The following LPP variants were observed in gnomAD, a reference collection of about 807,000 sequenced individuals.
LPP encodes lipoma-preferred partner.
In LPP, 38 loss-of-function variants were observed where a neutral mutation model predicts 60.4. That is an observed-to-expected ratio of 0.63 (90% CI 0.49 to 0.83). The LOEUF (loss-of-function observed/expected upper bound fraction) is 0.83. Ranked by LOEUF, LPP falls within the 40% of genes least tolerant of loss-of-function variation. The pLI is 0.00. For missense variants in LPP, 902 were observed against 783.6 expected (o/e 1.15, Z -1.80); for synonymous variants, 328 against 290.8 (o/e 1.13, Z -1.30).
chr3:188,791,904 G>T (rs924462101), intron 9 of LPP, among the ~76,000 whole-genome samples: 1 of 152,220 alleles, frequency 6.6e-6, no homozygotes, highest in East Asian at 1.9e-4. Context: ...CTGTCCCCCT[G>T]TTGTGTTGAG....
chr3:188,257,572 G>A (rs1732077988), intron 2 of LPP, among the ~76,000 whole-genome samples: 1 of 152,200 alleles, frequency 6.6e-6, no homozygotes, highest in African/African-American at 2.4e-5. Context: ...CTTCTTCCTG[G>A]TTTATGAGAT....
chr3:188,391,833 T>A (rs1248476707), intron 3 of LPP, among the ~76,000 whole-genome samples: 2 of 151,962 alleles, frequency 1.3e-5, no homozygotes. Context: ...GCCACCAAGC[T>A]GAAGACTCAA....
At chr3:188,519,901 G>A (rs1297760486) in intron 5 of LPP, among the ~76,000 whole-genome samples, 1 of 152,148 alleles carries the variant, frequency 6.6e-6, no homozygotes, top group Non-Finnish European at 1.5e-5. Context: ...CCAATTGCTG[G>A]TACTCCTCGT....
chr3:188,507,084 A>T (rs1022985871), intron 5 of LPP, among the ~76,000 whole-genome samples: 4 of 152,158 alleles, frequency 2.6e-5, no homozygotes, highest in African/African-American at 9.7e-5. Context: ...GGCATGAGCC[A>T]CCACGCCCGG....
At chr3:188,717,031 A>G (rs929248301) in intron 8 of LPP, among the ~76,000 whole-genome samples, 1 of 152,192 alleles carries the variant, frequency 6.6e-6, no homozygotes, top group Non-Finnish European at 1.5e-5. Context: ...TACAAAATAG[A>G]CAGTGTGTTT....
chr3:188,680,138 C>G (rs1859153725), intron 7 of LPP, among the ~76,000 whole-genome samples: 1 of 152,190 alleles, frequency 6.6e-6, no homozygotes, highest in Admixed American at 6.5e-5. Context: ...GCTACTCCCC[C>G]TTCTTTTCTT....
chr3:188,487,267 A>G (rs1049323409), intron 5 of LPP, among the ~76,000 whole-genome samples: 2 of 152,250 alleles, frequency 1.3e-5, no homozygotes, highest in East Asian at 1.9e-4. Context: ...TGAAAGGGCT[A>G]TACAAATATT....
At chr3:188,731,601 C>T (rs1302793318) in intron 8 of LPP, among the ~76,000 whole-genome samples, 2 of 149,554 alleles carry the variant, frequency 1.3e-5, no homozygotes, top group Non-Finnish European at 3.0e-5. Flanking sequence ...CGGCTCACTG[C>T]AACCTCCGCC....
intron 1 of LPP, among the ~76,000 whole-genome samples, chr3:188,204,509 A>T (rs535953621): frequency 8.5e-5 from 13 of 152,282 alleles, no homozygotes; most frequent in South Asian, 2.1e-4. Context: ...CAGTGCTTCA[A>T]CTTTTTACTT....
At chr3:188,513,083 T>C (rs1816296645) in intron 5 of LPP, among the ~76,000 whole-genome samples, 1 of 152,242 alleles carries the variant, frequency 6.6e-6, no homozygotes, top group Non-Finnish European at 1.5e-5. Flanking sequence ...TATTATTTCA[T>C]GTTATTTTGT....
intron 8 of LPP, among the ~76,000 whole-genome samples, chr3:188,749,016 T>G (rs1263646363): frequency 1.3e-5 from 2 of 152,108 alleles, no homozygotes; most frequent in Non-Finnish European, 2.9e-5. Flanking sequence ...GATGTACAAA[T>G]CCAAAACACC....
At chr3:188,448,157 A>G (rs914263457) in intron 4 of LPP, among the ~76,000 whole-genome samples, 1 of 152,158 alleles carries the variant, frequency 6.6e-6, no homozygotes, top group African/African-American at 2.4e-5. Flanking sequence ...CATTAGGACT[A>G]TTTGTGTTAT....
intron 1 of LPP, among the ~76,000 whole-genome samples, chr3:188,224,710 A>G (rs79467496): frequency 0.012 from 1,804 of 152,210 alleles, 38 homozygotes; most frequent in African/African-American, 0.041. Context: ...AAGCAGGAGC[A>G]AGAGAGGGAG....
chr3:188,240,282 TA>T (rs2149444408), intron 2 of LPP: 1 of 170,006 alleles, frequency 5.9e-6, no homozygotes, highest in African/African-American at 2.4e-5. Context: ...TGGGTAGGAA[TA>T]GCTTACAGCT....
At chr3:188,407,864 C>CT (rs1184591711) in intron 4 of LPP, among the ~76,000 whole-genome samples, 1 of 142,202 alleles carries the variant, frequency 7.0e-6, no homozygotes, top group Non-Finnish European at 1.5e-5. Flanking sequence ...TATTTCGGCT[C>CT]ACTGCAACCT....
intron 2 of LPP, among the ~76,000 whole-genome samples, chr3:188,337,945 A>G (rs1762105828): frequency 6.6e-6 from 1 of 152,190 alleles, no homozygotes; most frequent in South Asian, 2.1e-4. Flanking sequence ...GGAGATTTGT[A>G]AGCTACTTAT....
chr3:188,211,506 C>G (rs1177336723), intron 1 of LPP, among the ~76,000 whole-genome samples: 1 of 152,118 alleles, frequency 6.6e-6, no homozygotes, highest in Non-Finnish European at 1.5e-5. Flanking sequence ...CCCGACACAC[C>G]ATTTCCCCTA....
intron 3 of LPP, among the ~76,000 whole-genome samples, chr3:188,397,757 G>T (rs1781310350): frequency 6.6e-6 from 1 of 152,090 alleles, no homozygotes; most frequent in South Asian, 2.1e-4. Context: ...GGGACTACAG[G>T]TGTGCACCTC....
At chr3:188,240,208 C>G (rs1577474520) in intron 2 of LPP, 1 of 179,102 alleles carries the variant, frequency 5.6e-6, no homozygotes. Context: ...ATTTTCCTTT[C>G]ATAAACTAAT....
Sources: gnomAD v4.1 joint callset for allele counts (sites outside exome capture counted in the v4.1 genomes callset) on GRCh38, gnomAD v4.1.1 for gene constraint, MANE v1.5 for transcripts, NCBI Gene and HGNC (gene_info 2026-07-23, HGNC 2026-07-21) for gene names.